The following SLC24A3 variants were observed in gnomAD, a reference collection of about 807,000 sequenced individuals.
SLC24A3 encodes the protein sodium/potassium/calcium exchanger 3.
SLC24A3 carries 28 observed loss-of-function variants against 75.8 expected under a neutral mutation model. The ratio of observed to expected loss-of-function variants is 0.37; its 90% CI spans 0.27 to 0.51. The LOEUF is 0.51. SLC24A3 is among the 20% of genes least tolerant of loss of function. The pLI, the probability that SLC24A3 is intolerant of heterozygous loss-of-function variation, is 0.94. For synonymous variants in SLC24A3, 372 were observed against 334.1 expected, an observed-to-expected ratio of 1.11 and a Z score of -1.24; for missense variants, 663 against 847.8, an observed-to-expected ratio of 0.78 and a Z score of 2.71.
At chr20:19,551,058 T>C (rs566092732) in intron 3 of SLC24A3, among the ~76,000 whole-genome samples, 10 of 152,244 alleles carry the variant, frequency 6.6e-5, no homozygotes, top group South Asian at 2.1e-4. Context: ...AACTCCTAGA[T>C]GCCTGTTTCT....
intron 2 of SLC24A3, among the ~76,000 whole-genome samples, chr20:19,337,680 G>A (rs143952982): frequency 4.5e-4 from 69 of 152,232 alleles, no homozygotes; most frequent in East Asian, 1.5e-3. Context: ...AAACATGGTC[G>A]TTTCTAACGC....
chr20:19,503,752 T>C (rs951918791), intron 2 of SLC24A3, among the ~76,000 whole-genome samples: 2 of 152,246 alleles, frequency 1.3e-5, no homozygotes, highest in African/African-American at 2.4e-5. Flanking sequence ...GCTACGCATA[T>C]TCTTAGATAT....
intron 2 of SLC24A3, among the ~76,000 whole-genome samples, chr20:19,471,167 G>T (rs1330611719): frequency 6.6e-6 from 1 of 152,106 alleles, no homozygotes; most frequent in Non-Finnish European, 1.5e-5. Context: ...TAAGAGGGGA[G>T]CCCCCGTGCT....
intron 15 of SLC24A3, among the ~76,000 whole-genome samples, chr20:19,710,300 T>G (rs558494165): frequency 1.3e-5 from 2 of 152,298 alleles, no homozygotes; most frequent in East Asian, 3.9e-4. Context: ...CCAAAGGTAA[T>G]AGGGTTCAAA....
intron 3 of SLC24A3, among the ~76,000 whole-genome samples, chr20:19,558,553 TCCTCTCCA>T (rs2030825690): frequency 6.6e-6 from 1 of 152,188 alleles, no homozygotes; most frequent in Non-Finnish European, 1.5e-5. Context: ...TTTAGTAGCC[TCCTCTCCA>T]TGTCAGATCC....
chr20:19,713,621 C>T (rs569791593), intron 15 of SLC24A3, among the ~76,000 whole-genome samples: 36 of 152,114 alleles, frequency 2.4e-4, no homozygotes, highest in African/African-American at 8.4e-4. Flanking sequence ...TGGTTCCTAC[C>T]CTTGCGGTGT....
chr20:19,241,973 T>A (rs552298579), intron 1 of SLC24A3, among the ~76,000 whole-genome samples: 1 of 152,318 alleles, frequency 6.6e-6, no homozygotes, highest in East Asian at 1.9e-4. Flanking sequence ...TCTGAATGCC[T>A]CCCTTTGATT....
intron 2 of SLC24A3, among the ~76,000 whole-genome samples, chr20:19,324,461 G>A (rs1398000659): frequency 6.6e-6 from 1 of 152,204 alleles, no homozygotes; most frequent in Non-Finnish European, 1.5e-5. Flanking sequence ...TGAGTGGGAA[G>A]TTCTGCTTTT....
intron 2 of SLC24A3, among the ~76,000 whole-genome samples, chr20:19,399,595 G>A (rs1394190645): frequency 1.3e-5 from 2 of 152,070 alleles, no homozygotes; most frequent in Admixed American, 1.3e-4. Context: ...TTCCACTATG[G>A]ACAGGGAACA....
At chr20:19,702,198 A>G (rs1344963714) in intron 15 of SLC24A3, among the ~76,000 whole-genome samples, 1 of 152,146 alleles carries the variant, frequency 6.6e-6, no homozygotes, top group African/African-American at 2.4e-5. Flanking sequence ...CATTTTCCCA[A>G]TACTCTTTAG....
chr20:19,569,966 G>A (rs901241796), intron 3 of SLC24A3, among the ~76,000 whole-genome samples: 2 of 152,164 alleles, frequency 1.3e-5, no homozygotes, highest in African/African-American at 2.4e-5. Context: ...TCTGCTTTCT[G>A]CCCAGACCCT....
intron 2 of SLC24A3, among the ~76,000 whole-genome samples, chr20:19,291,821 T>C (rs1447486049): frequency 1.3e-5 from 2 of 151,842 alleles, no homozygotes; most frequent in Non-Finnish European, 1.5e-5. Context: ...GACACTGATA[T>C]GAAAAAAAGA....
At chr20:19,693,652 T>C (rs763394211) in intron 13 of SLC24A3, 110 of 497,886 alleles carry the variant, frequency 2.2e-4, no homozygotes, top group Non-Finnish European at 3.3e-4. Context: ...GGACCTGCTA[T>C]GCAGCTCTGC....
intron 2 of SLC24A3, among the ~76,000 whole-genome samples, chr20:19,504,508 T>C (rs1338186283): frequency 6.6e-6 from 1 of 152,200 alleles, no homozygotes; most frequent in Non-Finnish European, 1.5e-5. Context: ...GAAAAGTTTT[T>C]CATGCAATCT....
At chr20:19,389,449 A>C (rs910533081) in intron 2 of SLC24A3, among the ~76,000 whole-genome samples, 1 of 151,950 alleles carries the variant, frequency 6.6e-6, no homozygotes, top group Non-Finnish European at 1.5e-5. Flanking sequence ...GAAAGTCCTT[A>C]TCTCTCCTTA....
intron 7 of SLC24A3, among the ~76,000 whole-genome samples, chr20:19,654,641 CTTTT>C (rs34507566): frequency 8.9e-5 from 8 of 89,944 alleles, no homozygotes; most frequent in South Asian, 4.0e-4. Context: ...AAATAGAATC[CTTTT>C]TTTTTTTTTT....
chr20:19,438,566 C>T (rs569891387), intron 2 of SLC24A3, among the ~76,000 whole-genome samples: 1 of 152,012 alleles, frequency 6.6e-6, no homozygotes, highest in South Asian at 2.1e-4. Context: ...GTCTCTGCAC[C>T]TAGCACCCCT....
At chr20:19,658,721 T>A (rs1025699221) in intron 7 of SLC24A3, among the ~76,000 whole-genome samples, 1 of 152,078 alleles carries the variant, frequency 6.6e-6, no homozygotes, top group African/African-American at 2.4e-5. Context: ...ATGCCTTCAG[T>A]CTCTTTTTGC....
chr20:19,235,043 C>G (rs544588991), intron 1 of SLC24A3, among the ~76,000 whole-genome samples: 5 of 152,214 alleles, frequency 3.3e-5, no homozygotes, highest in African/African-American at 2.4e-5. Flanking sequence ...GTGCCCACTC[C>G]GGCTATTTTC....
Sources: allele counts gnomAD v4.1 joint callset (sites outside exome capture counted in the v4.1 genomes callset), GRCh38; gene constraint gnomAD v4.1.1; transcripts MANE v1.5; gene names NCBI Gene and HGNC (gene_info 2026-07-23, HGNC 2026-07-21).